POLL: variants seen among roughly 807,000 people sequenced by gnomAD.
POLL encodes the protein DNA polymerase beta-2.
A neutral mutation model predicts 58.1 loss-of-function variants in POLL; 44 were observed. The observed-to-expected ratio is 0.76, with a 90% CI of 0.60 to 0.97. POLL has a LOEUF of 0.97. POLL is among the 50% of genes least tolerant of loss of function. The pLI, the probability that POLL is intolerant of heterozygous loss-of-function variation, is 0.00. For synonymous variants in POLL, 290 were observed against 283.2 expected (o/e 1.02, Z -0.24); for missense variants, 632 against 736.8 (o/e 0.86, Z 1.65).
Position 101,580,179 on chromosome 10 carries a change from C to A in POLL, c.1363+69G>T. 7.4e-7 allele frequency: 1 copy of A among 1,356,650 alleles called. No individual in the cohort carries two copies. Among genetic ancestry groups the A allele is most frequent in the East Asian group, 2.3e-5 (1 of 43,344 alleles). The allele number at this position is 1,356,650 out of a possible 1,614,324, so 84.0% of individuals were successfully genotyped here. A position where few individuals can be genotyped will look rare whatever the true frequency, so the allele number is the denominator to read the frequency against. On this transcript the variant is annotated intron_variant, in intron 8 of 8. Coordinates refer to ENST00000370162, the MANE Select transcript of POLL (RefSeq NM_001174084.2). This position sits in a 1 kb window ranked among gnomAD's most constrained non-coding sequence, Gnocchi z 4.1. ...TCAGGACTGGAACTTCTGAGGTTCTCCCTCTGAGGGGGCCCCCAGACCTGT... is the reference window on the plus strand; with the variant it reads ...TCAGGACTGGAACTTCTGAGGTTCTACCTCTGAGGGGGCCCCCAGACCTGT...
rs1233731941 is a variant in POLL at position 101,587,894 on chromosome 10, T to G, written c.-119A>C. ...TGGGAACGCCCTGCACCTGTCCTGG[T>G]CTCAGCCTCTCGACATGGGGGTGCT... On this transcript the variant is annotated 5_prime_UTR_variant, in exon 1 of 9. Coordinates refer to ENST00000370162, the MANE Select transcript of POLL (RefSeq NM_001174084.2). 5.0e-6 allele frequency: 6 copies of G among 1,203,130 alleles called. No homozygotes were observed. The highest frequency in any genetic ancestry group is 6.3e-6 in the Non-Finnish European group (6 of 948,602). The allele number at this position is 1,203,130 out of a possible 1,614,324, so 74.5% of individuals were successfully genotyped here.
chr10:101,583,650 C>G lies in POLL; in HGVS notation c.923G>C (p.Arg308Pro). Residue 308 changes from arginine (R) to proline (P), a missense_variant, in exon 6 of 9, where the codon CGG (arginine) becomes CCG (proline). Transcript: ENST00000370162. ...EACSIPGIGK[R>P]MAEKIIEILE... ...GATCTCTATGATTTTCTCAGCCATCCGCTTCCCAATCCCAGGGATACTGCA... is the reference window on the plus strand; with the variant it reads ...GATCTCTATGATTTTCTCAGCCATCGGCTTCCCAATCCCAGGGATACTGCA... 1 of 1,614,112 alleles carries G rather than the reference C, an allele frequency of 6.2e-7. No homozygotes were observed. The highest frequency in any genetic ancestry group is 8.5e-7 in the Non-Finnish European group (1 of 1,180,026).
In POLL at chr10:101,583,721, G is replaced by A. The variant is rs560471139; in HGVS notation, c.892-40C>T. ...GGCAGAGGCAAGAAAGAAGAGTGAGGAGATGGAAGAGGTAGAGCCAGTGGA... is the reference window on the plus strand; with the variant it reads ...GGCAGAGGCAAGAAAGAAGAGTGAGAAGATGGAAGAGGTAGAGCCAGTGGA... On this transcript the variant is annotated intron_variant, in intron 5 of 8. Transcript: ENST00000370162. 4.4e-6 allele frequency: 7 copies of A among 1,577,532 alleles called. No individual in the cohort carries two copies. The East Asian group carries it at 1.1e-4, about 25-fold the overall frequency.
At chr10:101,585,171 G>A (rs1589688602) in intron 4 of POLL, 145 bp downstream of exon 4, 3 of 658,546 alleles carry the variant, frequency 4.6e-6, no homozygotes. Flanking sequence ...CAGCAGTGAT[G>A]AGTGTTGGGA....
Position 101,580,712 on chromosome 10 carries a change from G to A in POLL, c.1195-296C>T. 1 of 309,006 alleles carries A rather than the reference G, an allele frequency of 3.2e-6. No homozygotes were observed. The highest frequency in any genetic ancestry group is 5.5e-5 in the South Asian group (1 of 18,308). The allele number at this position is 309,006 out of a possible 1,614,324, so 19.1% of individuals were successfully genotyped here. ...TGCCCTGTGGAGCTCTTTAAGAGTA[G>A]GGAGACACAGACTCTCTCTGCCCCT... On this transcript the variant is annotated intron_variant, in intron 7 of 8. Coordinates refer to ENST00000370162, the MANE Select transcript of POLL (RefSeq NM_001174084.2). This position sits in a 1 kb window ranked among gnomAD's most constrained non-coding sequence, Gnocchi z 4.1.
At position 101,579,834 on chromosome 10, in the gene POLL, G is replaced by C. The variant is rs764810992; in HGVS notation, c.1364-17C>G. On this transcript the variant is annotated splice_polypyrimidine_tract_variant and intron_variant, in intron 8 of 8. Coordinates refer to ENST00000370162, the MANE Select transcript of POLL (RefSeq NM_001174084.2). The surrounding 1 kb of genome is among the most constrained non-coding windows in gnomAD (Gnocchi z 4.4). ...TGAGGAACCCTGGCCCAACAGAGGG[G>C]ACTGCTGGGAGGGCAGGGAACCAGG... 6.2e-7 allele frequency: 1 copy of C among 1,603,562 alleles called. No homozygotes were observed. The highest frequency in any genetic ancestry group is 1.1e-5 in the South Asian group (1 of 89,192).
intron 7 of POLL, among the ~76,000 whole-genome samples, chr10:101,582,443 T>A (rs2063052663): frequency 6.6e-6 from 1 of 152,072 alleles, no homozygotes; most frequent in African/African-American, 2.4e-5. Context: ...AGTACAGATA[T>A]AATTCACCTG....
At position 101,588,157 on chromosome 10, in the gene POLL, A is replaced by C; in HGVS notation, c.-382T>G. 1 of 1,521,158 alleles carries C rather than the reference A, an allele frequency of 6.6e-7. No homozygotes were observed. The highest frequency in any genetic ancestry group is 8.8e-7 in the Non-Finnish European group (1 of 1,136,440). The allele number at this position is 1,521,158 out of a possible 1,614,324, so 94.2% of individuals were successfully genotyped here. A position where few individuals can be genotyped will look rare whatever the true frequency, so the allele number is the denominator to read the frequency against. On this transcript the variant is annotated 5_prime_UTR_variant, in exon 1 of 9. Coordinates refer to ENST00000370162, the MANE Select transcript of POLL (RefSeq NM_001174084.2). ...AGTCGGTCCCCGGGTGGGGTCGACT[A>C]CTGGCCAAGCTAGTCACCCGGGGGT...
At position 101,585,240 on chromosome 10, in the gene POLL, C is replaced by T. The variant is rs910496428; in HGVS notation, c.573+76G>A. 7 of 1,317,716 alleles carry T rather than the reference C, an allele frequency of 5.3e-6. No individual in the cohort carries two copies. In the African/African-American group the frequency reaches 7.4e-5, roughly 14 times the overall value. 81.6% of individuals were successfully genotyped at this position (1,317,716 alleles called of 1,614,324 possible). A position where few individuals can be genotyped will look rare whatever the true frequency, so the allele number is the denominator to read the frequency against. Reference sequence around the variant, plus strand: ...TCTCAGGGGCCTGGGACTTTCTGAACAGCCACCAGGCCCACCCCATTTCTG... The same window carrying T: ...TCTCAGGGGCCTGGGACTTTCTGAATAGCCACCAGGCCCACCCCATTTCTG... On this transcript the variant is annotated intron_variant, in intron 4 of 8. Transcript: ENST00000370162.
chr10:101,583,522 T>G lies in POLL; in HGVS notation c.1051A>C (p.Met351Leu), dbSNP rs1264183012. The change falls in exon 6 of 9, where the codon ATG (methionine) becomes CTG (leucine). Residue 351 changes from methionine (M) to leucine (L), a missense_variant. Physicochemically the swap from Met to Leu is conservative, Grantham distance 15. Transcript: ENST00000370162. The part of the protein sequence containing the change: ...IWGAGTKTAQ[M>L]WYQQGFRSLE... ...CAGGGTGTGACCTGTTGGTACCACA[T>G]CTGGGCAGTCTTGGTCCCAGCTCCC... 1.2e-6 allele frequency: 2 copies of G among 1,612,890 alleles called. No individual in the cohort carries two copies. The highest frequency in any genetic ancestry group is 1.7e-6 in the Non-Finnish European group (2 of 1,180,014).
In POLL at chr10:101,579,923, G is replaced by C; in HGVS notation, c.1364-106C>G. 7.8e-7 allele frequency: 1 copy of C among 1,288,198 alleles called. No homozygotes were observed. Among genetic ancestry groups the C allele is most frequent in the Non-Finnish European group, 1.1e-6 (1 of 942,412 alleles). The allele number at this position is 1,288,198 out of a possible 1,614,324, so 79.8% of individuals were successfully genotyped here. On this transcript the variant is annotated intron_variant, in intron 8 of 8. Transcript: ENST00000370162. This position sits in a 1 kb window ranked among gnomAD's most constrained non-coding sequence, Gnocchi z 4.4. ...TAAGCTGGGGCTTGCCCAGGTATTA[G>C]CTGGGTGACACTACCCTCTCTGGGC... is the stretch of plus-strand genomic sequence containing the variant.
chr10:101,582,353 G>A (rs188769742), intron 7 of POLL: 31 of 167,524 alleles, frequency 1.9e-4, no homozygotes, highest in Non-Finnish European at 6.5e-5. Context: ...TTTTCATCAG[G>A]TTCTCAAAGA....
At chr10:101,582,133 T>A (rs1296294931) in intron 7 of POLL, 1 of 152,668 alleles carries the variant, frequency 6.6e-6, no homozygotes, top group African/African-American at 2.4e-5. Flanking sequence ...GTGCTGGGAT[T>A]AAAGGCATAA....
chr10:101,579,350 G>T lies in POLL; in HGVS notation c.*103C>A. The T allele has an allele frequency of 7.3e-7, 1 of 1,370,080 alleles. No individual in the cohort carries two copies. The highest frequency in any genetic ancestry group is 9.9e-7 in the Non-Finnish European group (1 of 1,015,202). The allele number at this position is 1,370,080 out of a possible 1,614,324, so 84.9% of individuals were successfully genotyped here. ...GCCCTGCTCGCTGAGGAAGCTGGTG[G>T]TTGGAGCGGCGAGGTTCAGCCAGCT... On this transcript the variant is annotated 3_prime_UTR_variant, in exon 9 of 9. Transcript: ENST00000370162. This position sits in a 1 kb window ranked among gnomAD's most constrained non-coding sequence, Gnocchi z 4.4.
chr10:101,586,261 C>T, intron 2 of POLL, 105 bp from the exon 3 acceptor site: 4 of 964,306 alleles, frequency 4.1e-6, no homozygotes, highest in South Asian at 3.2e-5. Flanking sequence ...GACGTGTTCA[C>T]AGTCCCCTAC....
At chr10:101,583,367 C>A (rs2063110832) in intron 6 of POLL, 141 bp downstream of exon 6, 4 of 875,516 alleles carry the variant, frequency 4.6e-6, no homozygotes, top group African/African-American at 1.7e-5. Context: ...TCCTGGTCCG[C>A]TTGAAAAATG....
chr10:101,580,385 C>A lies in POLL; in HGVS notation c.1226G>T (p.Gly409Val). The part of the protein sequence containing the change: ...VQKAAQAFNS[G>V]LLCVACGSYR... ...TGAACCACATGCCACACACAGCAGC[C>A]CAGAGTTAAAGGCCTGGGCTGCTTT... Residue 409 changes from glycine to valine, a missense_variant, in exon 8 of 9, where the codon GGG becomes GTG. Gly to Val is a moderately radical substitution (Grantham distance 109). Coordinates refer to ENST00000370162, the MANE Select transcript of POLL (RefSeq NM_001174084.2). The surrounding 1 kb of genome is among the most constrained non-coding windows in gnomAD (Gnocchi z 4.1). 1 of 1,613,872 alleles carries A rather than the reference C, an allele frequency of 6.2e-7. No homozygotes were observed. Among genetic ancestry groups the A allele is most frequent in the Non-Finnish European group, 8.5e-7 (1 of 1,179,936 alleles).
chr10:101,588,128 CCA>C lies in POLL; in HGVS notation c.-355_-354del. The C allele has an allele frequency of 6.6e-7, 1 of 1,516,000 alleles. No individual in the cohort carries two copies. Among genetic ancestry groups the C allele is most frequent in the South Asian group, 1.2e-5 (1 of 82,616 alleles). 93.9% of individuals were successfully genotyped at this position (1,516,000 alleles called of 1,614,324 possible). A position where few individuals can be genotyped will look rare whatever the true frequency, so the allele number is the denominator to read the frequency against. On this transcript the variant is annotated 5_prime_UTR_variant, in exon 1 of 9. Transcript: ENST00000370162. The stretch of plus-strand genomic sequence containing the variant: ...CCGGCCCCAAGAGTCTCTCCAACCC[CCA>C]GAGTCGGTCCCCGGGTGGGGTCGAC...
rs192639318 is a variant in POLL at position 101,580,427 on chromosome 10, G to C, written c.1195-11C>G. 1.1e-5 allele frequency: 17 copies of C among 1,612,782 alleles called. No homozygotes were observed. Among genetic ancestry groups the C allele is most frequent in the Admixed American group, 8.3e-5 (5 of 59,942 alleles). The stretch of plus-strand genomic sequence containing the variant: ...GGCTGCTTTCTGGACCTGGGAAAGA[G>C]AGCGGTGACAGGTGAGGGGCTGTGC... On this transcript the variant is annotated splice_polypyrimidine_tract_variant and intron_variant, in intron 7 of 8. Coordinates refer to ENST00000370162, the MANE Select transcript of POLL (RefSeq NM_001174084.2). This position sits in a 1 kb window ranked among gnomAD's most constrained non-coding sequence, Gnocchi z 4.1.
Sources: allele counts gnomAD v4.1 joint callset (sites outside exome capture counted in the v4.1 genomes callset), GRCh38; gene constraint gnomAD v4.1.1; non-coding constraint Gnocchi (gnomAD v3.1); transcripts MANE v1.5; gene names NCBI Gene and HGNC (gene_info 2026-07-23, HGNC 2026-07-21).